The following SLC29A2 variants were observed in gnomAD, a reference collection of about 807,000 sequenced individuals.
SLC29A2 encodes the protein solute carrier family 29 member 2.
A neutral mutation model predicts 48.8 loss-of-function variants in SLC29A2; 37 were observed. The observed-to-expected ratio is 0.76, with a 90% confidence interval of 0.58 to 1.00. SLC29A2 has a LOEUF of 1.00. SLC29A2 is among the 50% of genes least tolerant of loss of function. The pLI, the probability that SLC29A2 is intolerant of heterozygous loss-of-function variation, is 0.00. For missense variants in SLC29A2, 533 were observed against 578.6 expected, an observed-to-expected ratio of 0.92 and a Z score of 0.81; for synonymous variants, 233 against 261.7, an observed-to-expected ratio of 0.89 and a Z score of 1.06.
chr11:66,371,892 G>T (rs1856069686), upstream of SLC29A2: 1 of 477,040 alleles, frequency 2.1e-6, no homozygotes, highest in Non-Finnish European at 3.7e-6. Context: ...GGGGCCTGCG[G>T]AACCCGCCCG....
At chr11:66,367,198 A>G (rs1235646900) in intron 7 of SLC29A2, among the ~76,000 whole-genome samples, 3 of 152,178 alleles carry the variant, frequency 2.0e-5, no homozygotes, top group Non-Finnish European at 2.9e-5. Context: ...ATGTTGTGAA[A>G]CTAGTATTCC....
intron 4 of SLC29A2, 149 bp from the exon 5 acceptor site, chr11:66,368,820 C>G: frequency 3.4e-6 from 4 of 1,183,720 alleles, no homozygotes; most frequent in Non-Finnish European, 4.9e-6. Context: ...GGGGGCAACA[C>G]CCGCTATTCA....
At chr11:66,363,633 G>T in intron 11 of SLC29A2, 86 bp from the exon 12 acceptor site, 2 of 989,420 alleles carry the variant, frequency 2.0e-6, no homozygotes, top group Non-Finnish European at 3.2e-6. Context: ...ATCCAGTCTG[G>T]GCTCTGACCC....
At chr11:66,364,472 C>T (rs752313239) in intron 10 of SLC29A2, 48 bp from the exon 11 acceptor site, 1 of 1,450,688 alleles carries the variant, frequency 6.9e-7, no homozygotes, top group Middle Eastern at 2.2e-4. Context: ...CAGGTCTCTG[C>T]TCCAGGGCAT....
At chr11:66,371,510 G>A (rs1415056800) in intron 1 of SLC29A2, 53 bp downstream of exon 1, 3 of 1,546,194 alleles carry the variant, frequency 1.9e-6, no homozygotes, top group Admixed American at 2.0e-5. Flanking sequence ...GCGCCTTCAG[G>A]GAGCGGGTCT....
At position 66,371,566 on chromosome 11, in the gene SLC29A2, T is replaced by C. The variant is rs368807390; in HGVS notation, c.26A>G (p.Asp9Gly). 2.6e-6 allele frequency: 4 copies of C among 1,550,386 alleles called. No individual in the cohort carries two copies. The highest frequency in any genetic ancestry group is 3.5e-6 in the Non-Finnish European group (4 of 1,148,500). ...CAACGCACCCGGGCCCACTCACCTG[T>C]CCCGCGGGGCGTCTCCTCGCGCCAT... Reference protein sequence around the residue: MARGDAPRDSYHLVGISFF... With the variant: MARGDAPRGSYHLVGISFF... The change falls in exon 1 of 12, where the codon GAC becomes GGC. Residue 9 changes from aspartate (D) to glycine (G), a missense_variant. Coordinates refer to ENST00000357440, the MANE Select transcript of SLC29A2 (RefSeq NM_001532.3).
upstream of SLC29A2, chr11:66,372,295 C>T (rs1237542455): frequency 6.6e-6 from 1 of 152,224 alleles, no homozygotes; most frequent in African/African-American, 2.4e-5. Flanking sequence ...CTTTCAACTC[C>T]CTACTCTTTT....
Position 66,371,709 on chromosome 11 carries a change from G to A in SLC29A2, c.-118C>T. On this transcript the variant is annotated 5_prime_UTR_variant, in exon 1 of 12. Transcript: ENST00000357440. ...GGGGCGGGTCTCCCCAGATTCCGGTGCAGGGCGGCTGGAGTCGCACAGGTA... is the reference window on the plus strand; with the variant it reads ...GGGGCGGGTCTCCCCAGATTCCGGTACAGGGCGGCTGGAGTCGCACAGGTA... The A allele has an allele frequency of 1.9e-6, 2 of 1,057,466 alleles. No individual in the cohort carries two copies. The highest frequency in any genetic ancestry group is 2.7e-6 in the Non-Finnish European group (2 of 738,830). The allele number at this position is 1,057,466 out of a possible 1,614,324, so 65.5% of individuals were successfully genotyped here. A position where few individuals can be genotyped will look rare whatever the true frequency, so the allele number is the denominator to read the frequency against.
intron 9 of SLC29A2, 37 bp downstream of exon 9, chr11:66,366,089 C>T (rs539244005): frequency 6.2e-7 from 1 of 1,605,200 alleles, no homozygotes; most frequent in African/African-American, 1.3e-5. Flanking sequence ...CCCCTTTGTA[C>T]CCCCTGCCCT....
intron 4 of SLC29A2, 118 bp from the exon 5 acceptor site, chr11:66,368,789 C>T: frequency 1.5e-6 from 2 of 1,375,940 alleles, no homozygotes; most frequent in South Asian, 1.3e-5. Context: ...GTGTGAGCTT[C>T]CCTAGGGACT....
In SLC29A2 at chr11:66,369,044, G is replaced by C; in HGVS notation, c.415+16C>G. 2 of 1,595,106 alleles carry C rather than the reference G, an allele frequency of 1.3e-6. No individual in the cohort carries two copies. Among genetic ancestry groups the C allele is most frequent in the Non-Finnish European group, 8.5e-7 (1 of 1,171,142 alleles). On this transcript the variant is annotated intron_variant, in intron 4 of 11. Transcript: ENST00000357440. ...GCCCTGCATAGGCTGGCTGGAGAGG[G>C]GGTGGAGGTGCTCACAGTTGATGAA...
In SLC29A2 at chr11:66,363,445, C is replaced by G; in HGVS notation, c.1362G>C (p.Ala454=). 1 of 1,611,520 alleles carries G rather than the reference C, an allele frequency of 6.2e-7. No homozygotes were observed. The highest frequency in any genetic ancestry group is 1.1e-5 in the South Asian group (1 of 91,006). ...CGASLSFLFK[A]LL is the part of the protein sequence containing the mutation. ...GCCTGGAGGGGCCACTTCAGAGCAGCGCCTTGAAGAGGAAGGAGAGGGAGG... is the reference window on the plus strand; with the variant it reads ...GCCTGGAGGGGCCACTTCAGAGCAGGGCCTTGAAGAGGAAGGAGAGGGAGG... Residue 454 remains alanine, a synonymous_variant, in exon 12 of 12, where the codon GCG becomes GCC. Transcript: ENST00000357440.
At chr11:66,369,802 C>T (rs1315563652) in intron 2 of SLC29A2, among the ~76,000 whole-genome samples, 2 of 152,192 alleles carry the variant, frequency 1.3e-5, no homozygotes, top group Non-Finnish European at 1.5e-5. Flanking sequence ...CTGGTTCCAG[C>T]CCCCATCCCC....
At chr11:66,368,468 T>C in intron 5 of SLC29A2, 69 bp downstream of exon 5, 1 of 1,597,332 alleles carries the variant, frequency 6.3e-7, no homozygotes, top group Admixed American at 1.7e-5. Context: ...TGTCTTGCTC[T>C]CACATGCCCT....
chr11:66,369,217 G>A lies in SLC29A2; in HGVS notation c.276-18C>T. The stretch of plus-strand genomic sequence containing the variant: ...CCGGGACGCTGCTCAGAAGCAGGCA[G>A]AGTGCATCAGTGGGGCCCAGGCCAG... On this transcript the variant is annotated intron_variant, in intron 3 of 11. Transcript: ENST00000357440. The A allele has an allele frequency of 6.3e-7, 1 of 1,577,854 alleles. No homozygotes were observed. Among genetic ancestry groups the A allele is most frequent in the South Asian group, 1.1e-5 (1 of 87,276 alleles).
At position 66,364,406 on chromosome 11, in the gene SLC29A2, G is replaced by A. The variant is rs746110024; in HGVS notation, c.1078C>T (p.Leu360=). 1 of 1,612,620 alleles carries A rather than the reference G, an allele frequency of 6.2e-7. No homozygotes were observed. Among genetic ancestry groups the A allele is most frequent in the Non-Finnish European group, 8.5e-7 (1 of 1,179,516 alleles). ...CGCAGGCAGACCAGCAGGGGCAGCA[G>A]CCGGCTGTCCTCGTCTGGCTGTGGT... ...YFLWPDEDSR[L]LPLLVCLRFL... The change falls in exon 11 of 12, where the codon CTG becomes TTG. Residue 360 remains leucine (L), a synonymous_variant. Transcript: ENST00000357440.
intron 8 of SLC29A2, 71 bp from the exon 9 acceptor site, chr11:66,366,302 T>A (rs1218189348): frequency 6.3e-7 from 1 of 1,595,870 alleles, no homozygotes; most frequent in Non-Finnish European, 8.6e-7. Context: ...CCAAGCCCCA[T>A]GTGGGAGCAG....
chr11:66,365,056 C>T (rs899260377), intron 10 of SLC29A2, among the ~76,000 whole-genome samples: 42 of 151,894 alleles, frequency 2.8e-4, no homozygotes, highest in Admixed American at 2.6e-3. Flanking sequence ...TACAGGTGTG[C>T]ACCACCACAC....
chr11:66,371,526 G>GC (rs1319222429), intron 1 of SLC29A2, 37 bp downstream of exon 1: 1 of 1,548,994 alleles, frequency 6.5e-7, no homozygotes, highest in African/African-American at 1.4e-5. Context: ...GGTCTGCAAC[G>GC]CCCCCGGCCA....
Sources: gnomAD v4.1 joint callset for allele counts (sites outside exome capture counted in the v4.1 genomes callset) on GRCh38, gnomAD v4.1.1 for gene constraint, MANE v1.5 for transcripts, NCBI Gene and HGNC (gene_info 2026-07-23, HGNC 2026-07-21) for gene names.